EPHB1: variants seen among roughly 807,000 people sequenced by gnomAD.
EPHB1 encodes the protein ephrin type-B receptor 1.
Under a neutral mutation model 94.4 loss-of-function variants are expected in EPHB1, and 30 were observed. That is an observed-to-expected ratio of 0.32 (90% CI 0.24 to 0.43). EPHB1 has a LOEUF of 0.43. Among genes scored for constraint, EPHB1 ranks in the 20% least tolerant of loss-of-function variants. The pLI is 1.00. For missense variants in EPHB1, 1,055 were observed against 1,308.3 expected (o/e 0.81, Z 2.99); for synonymous variants, 522 against 489.1 (o/e 1.07, Z -0.89).
intron 12 of EPHB1, 37 bp downstream of exon 12, chr3:135,201,726 C>T: frequency 6.3e-7 from 1 of 1,596,100 alleles, no homozygotes; most frequent in Non-Finnish European, 8.6e-7. Context: ...AGAAGCATGG[C>T]ATGAGTTAAA....
At chr3:134,892,578 T>G (rs1342050812) in intron 1 of EPHB1, among the ~76,000 whole-genome samples, 2 of 152,224 alleles carry the variant, frequency 1.3e-5, no homozygotes, top group Non-Finnish European at 2.9e-5. Flanking sequence ...AAAGAGCAGT[T>G]GGTGTTTAAA....
chr3:135,229,707 G>A lies in EPHB1; in HGVS notation c.2347-11441G>A, dbSNP rs969438295. Among the ~76,000 whole-genome samples the A allele has an allele frequency of 3.9e-5, 6 of 152,150 alleles. No homozygotes were observed. The South Asian group carries it at 6.2e-4, about 16-fold the overall frequency. ...AGCAGGGGCCAGTCTCCATCTGAGA[G>A]CCCCAACCTTCTCCAGAGACAGAGC... On this transcript the variant is annotated intron_variant, in intron 12 of 15. Coordinates refer to ENST00000398015, the MANE Select transcript of EPHB1 (RefSeq NM_004441.5).
At chr3:135,195,513 T>G (rs974924196) in intron 11 of EPHB1, among the ~76,000 whole-genome samples, 24 of 148,196 alleles carry the variant, frequency 1.6e-4, no homozygotes, top group African/African-American at 5.8e-4. Flanking sequence ...GTCCCCAGAG[T>G]GTGATATTCC....
At chr3:134,888,525 T>C (rs1167350324) in intron 1 of EPHB1, among the ~76,000 whole-genome samples, 1 of 151,948 alleles carries the variant, frequency 6.6e-6, no homozygotes, top group Non-Finnish European at 1.5e-5. Context: ...CTGGCCAACA[T>C]AGTGAAACCT....
chr3:135,129,599 C>G (rs894677068), intron 4 of EPHB1, among the ~76,000 whole-genome samples: 2 of 152,134 alleles, frequency 1.3e-5, no homozygotes, highest in Non-Finnish European at 2.9e-5. Context: ...CAGAAACAGA[C>G]CAGACAACTG....
rs111788002 is a variant in EPHB1 at position 135,241,911 on chromosome 3, G to A, written c.2496+614G>A. 1.5e-3 allele frequency among the ~76,000 whole-genome samples: 234 copies of A among 152,322 alleles called. 1 individual carries two copies. The highest frequency in any genetic ancestry group is 5.4e-3 in the African/African-American group (223 of 41,572). Reference sequence around the variant, plus strand: ...CTGGGCAGCTTCAGATGGGCCACAGGAGAGGGTCCCTGTCTGTGGGGAGGT... The same window carrying A: ...CTGGGCAGCTTCAGATGGGCCACAGAAGAGGGTCCCTGTCTGTGGGGAGGT... On this transcript the variant is annotated intron_variant, in intron 13 of 15. Transcript: ENST00000398015.
In EPHB1 at chr3:134,951,481, C is replaced by T. The variant is rs1933028251; in HGVS notation, c.234C>T (p.Asn78=). The T allele has an allele frequency of 6.2e-7, 1 of 1,611,228 alleles. No individual in the cohort carries two copies. Among genetic ancestry groups the T allele is most frequent in the Non-Finnish European group, 8.5e-7 (1 of 1,178,764 alleles). ...QNNWLLTTFI[N]RRGAHRIYTE... ...ATTGGCTGCTCACCACCTTCATCAA[C>T]CGGCGGGGGGCCCATCGCATCTACA... Residue 78 remains asparagine, a synonymous_variant, in exon 3 of 16, where the codon AAC becomes AAT. Transcript: ENST00000398015. The surrounding 1 kb of genome is among the most constrained non-coding windows in gnomAD (Gnocchi z 4.5).
At chr3:135,215,087 C>T (rs951967133) in intron 12 of EPHB1, among the ~76,000 whole-genome samples, 4 of 152,162 alleles carry the variant, frequency 2.6e-5, no homozygotes, top group African/African-American at 9.7e-5. Flanking sequence ...GTGGATGCTA[C>T]CATAAGTGCT....
intron 12 of EPHB1, among the ~76,000 whole-genome samples, chr3:135,218,959 C>T (rs568285984): frequency 6.6e-6 from 1 of 152,244 alleles, no homozygotes; most frequent in Non-Finnish European, 1.5e-5. Flanking sequence ...GGAATGATCC[C>T]AGAGCTGGAC....
intron 1 of EPHB1, among the ~76,000 whole-genome samples, chr3:134,859,164 C>G (rs562189826): frequency 2.6e-5 from 4 of 152,224 alleles, no homozygotes; most frequent in Non-Finnish European, 4.4e-5. Flanking sequence ...CAGGATCTCT[C>G]AGTTAACTGG....
intron 12 of EPHB1, among the ~76,000 whole-genome samples, chr3:135,239,111 T>A (rs1462028664): frequency 1.3e-5 from 2 of 152,160 alleles, no homozygotes; most frequent in Non-Finnish European, 2.9e-5. Context: ...TAGCTGGCAT[T>A]TGAGCTGAGG....
rs138088216 is a variant in EPHB1 at position 135,126,525 on chromosome 3, G to A, written c.962-6189G>A. 2.7e-3 allele frequency among the ~76,000 whole-genome samples: 405 copies of A among 152,274 alleles called. 2 individuals carry two copies. The highest frequency in any genetic ancestry group is 4.8e-3 in the Non-Finnish European group (324 of 68,020). On this transcript the variant is annotated intron_variant, in intron 4 of 15. Transcript: ENST00000398015. ...ATACAGGTACAGACAGAAGTCACAA[G>A]CCCAGTACCTAATAAGAACTGGACC...
chr3:135,214,488 T>TG (rs1391375141), intron 12 of EPHB1, among the ~76,000 whole-genome samples: 1 of 152,192 alleles, frequency 6.6e-6, no homozygotes, highest in Non-Finnish European at 1.5e-5. Context: ...TGTAAGCACC[T>TG]GGTGCCATGG....
chr3:135,167,070 C>T, intron 9 of EPHB1, 64 bp downstream of exon 9: 1 of 1,565,648 alleles, frequency 6.4e-7, no homozygotes, highest in Non-Finnish European at 8.8e-7. Context: ...TGGGCTAGTG[C>T]TCAGAGCTCT....
intron 1 of EPHB1, among the ~76,000 whole-genome samples, chr3:134,923,395 A>T (rs984585367): frequency 6.6e-6 from 1 of 152,122 alleles, no homozygotes; most frequent in East Asian, 1.9e-4. Context: ...ACCTGCTGAG[A>T]TACCCTGTAC....
intron 3 of EPHB1, among the ~76,000 whole-genome samples, chr3:135,017,834 A>G (rs1294085180): frequency 6.6e-6 from 1 of 152,170 alleles, no homozygotes; most frequent in Non-Finnish European, 1.5e-5. Context: ...GGGCATGCCC[A>G]AGTGTCCATG....
At chr3:134,886,315 G>C (rs2037860357) in intron 1 of EPHB1, among the ~76,000 whole-genome samples, 1 of 152,080 alleles carries the variant, frequency 6.6e-6, no homozygotes, top group African/African-American at 2.4e-5. Flanking sequence ...CACTTACTCT[G>C]GCCAGTCATT....
intron 4 of EPHB1, among the ~76,000 whole-genome samples, chr3:135,111,040 A>C (rs1034504641): frequency 1.3e-5 from 2 of 152,170 alleles, no homozygotes; most frequent in Non-Finnish European, 2.9e-5. Context: ...ACAGAAACAG[A>C]ATGACGTCCT....
chr3:135,154,515 G>C, intron 6 of EPHB1: 1 of 457,152 alleles, frequency 2.2e-6, no homozygotes, highest in Non-Finnish European at 3.9e-6. Context: ...CTGCAATCTG[G>C]ATAGTTCACT....
Sources: gnomAD v4.1 joint callset for allele counts (sites outside exome capture counted in the v4.1 genomes callset) on GRCh38, gnomAD v4.1.1 for gene constraint, Gnocchi (gnomAD v3.1) non-coding constraint, MANE v1.5 for transcripts, NCBI Gene and HGNC (gene_info 2026-07-23, HGNC 2026-07-21) for gene names.